The following C7orf78 variants were observed in gnomAD, a reference collection of about 807,000 sequenced individuals.
C7orf78 encodes putative uncharacterized protein C7orf78.
At chr7:12,486,888 T>A in the C7orf78 span, 7 of 133,358 alleles carry the variant, frequency 5.2e-5, no homozygotes, top group African/African-American at 1.9e-4. Context: ...ACTGATAAAT[T>A]ATTGTCAAAT....
At chr7:12,488,823 C>T in the C7orf78 span, among the ~76,000 whole-genome samples, 1 of 151,600 alleles carries the variant, frequency 6.6e-6, no homozygotes, top group Non-Finnish European at 1.5e-5. Context: ...TAAGAAAGTG[C>T]AATTTTAACA....
At chr7:12,537,764 G>A in the C7orf78 span, among the ~76,000 whole-genome samples, 3 of 152,022 alleles carry the variant, frequency 2.0e-5, no homozygotes, top group Non-Finnish European at 2.9e-5. Flanking sequence ...ATACATAAAA[G>A]TATCCATTTA....
chr7:12,519,542 T>C, the C7orf78 span, among the ~76,000 whole-genome samples: 1 of 152,186 alleles, frequency 6.6e-6, no homozygotes, highest in Non-Finnish European at 1.5e-5. Flanking sequence ...TGTGCACATG[T>C]AGAGGGAAAG....
chr7:12,534,695 C>T, the C7orf78 span, among the ~76,000 whole-genome samples: 1 of 152,096 alleles, frequency 6.6e-6, no homozygotes, highest in Non-Finnish European at 1.5e-5. Flanking sequence ...TGGTTCATTC[C>T]TATAATTCCA....
chr7:12,527,494 C>T, the C7orf78 span, among the ~76,000 whole-genome samples: 15 of 84,208 alleles, frequency 1.8e-4, no homozygotes, highest in African/African-American at 9.2e-4. Flanking sequence ...AACATGTCAG[C>T]TTTCCTAGTA....
At chr7:12,508,603 C>T in the C7orf78 span, among the ~76,000 whole-genome samples, 2,862 of 152,228 alleles carry the variant, frequency 0.019, 94 homozygotes, top group African/African-American at 0.065. Flanking sequence ...TGGACTAAAT[C>T]AGGGTGAAAC....
the C7orf78 span, among the ~76,000 whole-genome samples, chr7:12,533,230 T>A: frequency 6.6e-6 from 1 of 152,176 alleles, no homozygotes; most frequent in African/African-American, 2.4e-5. Context: ...AGATGCAGAC[T>A]CGCTCTGTCA....
At chr7:12,506,604 A>G in the C7orf78 span, among the ~76,000 whole-genome samples, 1 of 152,120 alleles carries the variant, frequency 6.6e-6, no homozygotes, top group African/African-American at 2.4e-5. Context: ...GAACACATGG[A>G]CACAGGGTGG....
chr7:12,513,506 C>T, the C7orf78 span, among the ~76,000 whole-genome samples: 24 of 152,142 alleles, frequency 1.6e-4, no homozygotes, highest in South Asian at 4.1e-4. Flanking sequence ...TTCTTTGACT[C>T]ATTTGTTGTT....
At chr7:12,498,247 G>A in the C7orf78 span, among the ~76,000 whole-genome samples, 2 of 152,084 alleles carry the variant, frequency 1.3e-5, no homozygotes, top group Admixed American at 6.5e-5. Context: ...TGACTTTGAC[G>A]AGCTGAGAGA....
chr7:12,515,670 G>A, the C7orf78 span, among the ~76,000 whole-genome samples: 1 of 152,182 alleles, frequency 6.6e-6, no homozygotes, highest in Non-Finnish European at 1.5e-5. Context: ...GCCTGATAGT[G>A]ATATGGACAA....
chr7:12,540,676 C>A, the C7orf78 span, among the ~76,000 whole-genome samples: 6 of 152,140 alleles, frequency 3.9e-5, no homozygotes, highest in Admixed American at 2.6e-4. Context: ...GACCGTTTGG[C>A]CAACAGAGTA....
chr7:12,531,847 C>T, the C7orf78 span, among the ~76,000 whole-genome samples: 1 of 152,090 alleles, frequency 6.6e-6, no homozygotes, highest in Non-Finnish European at 1.5e-5. Flanking sequence ...GAAAGGAGAG[C>T]AGCTCCTTTC....
chr7:12,527,336 C>T, the C7orf78 span, among the ~76,000 whole-genome samples: 3 of 128,850 alleles, frequency 2.3e-5, no homozygotes, highest in Admixed American at 8.7e-5. Context: ...AACATGTCAG[C>T]TTTCCTAGTA....
the C7orf78 span, among the ~76,000 whole-genome samples, chr7:12,516,211 C>G: frequency 6.6e-6 from 1 of 152,198 alleles, no homozygotes; most frequent in South Asian, 2.1e-4. Flanking sequence ...GTCCCAGATG[C>G]TCCAGCCCTG....
chr7:12,492,989 G>A, the C7orf78 span, among the ~76,000 whole-genome samples: 5 of 152,250 alleles, frequency 3.3e-5, no homozygotes, highest in African/African-American at 1.2e-4. Context: ...GATAACTTGA[G>A]CCCAGGAGTT....
chr7:12,531,252 T>C, the C7orf78 span, among the ~76,000 whole-genome samples: 2 of 152,246 alleles, frequency 1.3e-5, no homozygotes, highest in Non-Finnish European at 2.9e-5. Context: ...CTGTTTTAAG[T>C]GGAGCCTGAA....
At chr7:12,528,470 C>T in the C7orf78 span, among the ~76,000 whole-genome samples, 2 of 143,568 alleles carry the variant, frequency 1.4e-5, no homozygotes, top group Non-Finnish European at 1.5e-5. Flanking sequence ...GTGTCACTCA[C>T]TTTGGTAGAA....
chr7:12,536,985 G>T, the C7orf78 span, among the ~76,000 whole-genome samples: 1 of 152,054 alleles, frequency 6.6e-6, no homozygotes, highest in Non-Finnish European at 1.5e-5. Context: ...CCATACTTTT[G>T]CACATTTTCC....
Sources: allele counts gnomAD v4.1 joint callset (sites outside exome capture counted in the v4.1 genomes callset), GRCh38; gene constraint gnomAD v4.1.1; transcripts MANE v1.5; gene names NCBI Gene and HGNC (gene_info 2026-07-23, HGNC 2026-07-21).